Variants in PCDH15 observed in about 807,000 individuals in gnomAD.
PCDH15 encodes the protein protocadherin-15.
A neutral mutation model predicts 178.5 loss-of-function variants in PCDH15; 129 were observed. The ratio of observed to expected loss-of-function variants is 0.72; its 90% CI spans 0.63 to 0.84. The LOEUF is 0.84. Among genes scored for constraint, PCDH15 ranks in the 40% least tolerant of loss-of-function variants. PCDH15 has a pLI of 0.00. For synonymous variants in PCDH15, 800 were observed against 732.0 expected, an observed-to-expected ratio of 1.09 and a Z score of -1.50; for missense variants, 2,230 against 2,099.9, an observed-to-expected ratio of 1.06 and a Z score of -1.21.
intron 2 of PCDH15, among the ~76,000 whole-genome samples, chr10:54,908,246 G>C (rs551732860): frequency 6.6e-6 from 1 of 152,194 alleles, no homozygotes; most frequent in Non-Finnish European, 1.5e-5. Context: ...ATGGGGTTCA[G>C]TTATAGTGCA....
intron 2 of PCDH15, among the ~76,000 whole-genome samples, chr10:55,031,691 C>A (rs1485893201): frequency 1.3e-5 from 2 of 152,082 alleles, no homozygotes; most frequent in African/African-American, 4.8e-5. Flanking sequence ...TGTGACTGTG[C>A]CCTTATAAAA....
intron 28 of PCDH15, among the ~76,000 whole-genome samples, chr10:53,853,762 A>C (rs1289397236): frequency 6.6e-6 from 1 of 151,966 alleles, no homozygotes; most frequent in Non-Finnish European, 1.5e-5. Context: ...AAAAAGGAAA[A>C]AGAACCAGAA....
intron 2 of PCDH15, among the ~76,000 whole-genome samples, chr10:54,950,403 T>C (rs187105862): frequency 6.6e-6 from 1 of 152,082 alleles, no homozygotes; most frequent in East Asian, 1.9e-4. Context: ...CCTGAGCTGT[T>C]CTCATGATAG....
intron 3 of PCDH15, among the ~76,000 whole-genome samples, chr10:54,455,571 A>G (rs1340798523): frequency 6.6e-6 from 1 of 152,146 alleles, no homozygotes; most frequent in African/African-American, 2.4e-5. Context: ...GATTTAGGGT[A>G]TCTGGCAGAA....
intron 1 of PCDH15, among the ~76,000 whole-genome samples, chr10:54,710,680 G>A (rs1295869117): frequency 6.6e-6 from 1 of 151,866 alleles, no homozygotes; most frequent in Admixed American, 6.6e-5. Flanking sequence ...GCTGTTGCAA[G>A]AAATACTTCA....
At chr10:54,337,283 C>T (rs1209777711) in intron 6 of PCDH15, among the ~76,000 whole-genome samples, 1 of 152,006 alleles carries the variant, frequency 6.6e-6, no homozygotes, top group African/African-American at 2.4e-5. Flanking sequence ...CTTTGAGGGA[C>T]TGTTGGTAAG....
At chr10:55,066,647 TTTGAG>T (rs1841571451) in intron 2 of PCDH15, among the ~76,000 whole-genome samples, 1 of 150,268 alleles carries the variant, frequency 6.7e-6, no homozygotes, top group Admixed American at 6.6e-5. Context: ...AATTTGAGTA[TTTGAG>T]TTATGTTTCT....
Position 53,888,317 on chromosome 10 carries a change from T to TAC in PCDH15, c.3501+14925_3501+14926insGT, listed in dbSNP as rs59834221. 2.5e-3 allele frequency among the ~76,000 whole-genome samples: 269 copies of TAC among 106,388 alleles called. 7 individuals carry two copies. The highest frequency in any genetic ancestry group is 0.013 in the Middle Eastern group (2 of 150). The allele number at this position is 106,388 out of a possible 152,430, so 69.8% of individuals were successfully genotyped here. ...ATATATATATATATATATGTATATATGTACGTATATATATGTACGTATATA... is the reference window on the plus strand; with the variant it reads ...ATATATATATATATATATGTATATATACGTACGTATATATATGTACGTATATA... On this transcript the variant is annotated intron_variant, in intron 26 of 37. Transcript: ENST00000644397.
intron 2 of PCDH15, among the ~76,000 whole-genome samples, chr10:55,523,593 A>G (rs934442767): frequency 6.6e-6 from 1 of 151,566 alleles, no homozygotes; most frequent in African/African-American, 2.4e-5. Flanking sequence ...AACACCAATT[A>G]TTTCTGTCTA....
At chr10:54,707,515 G>A (rs560800328) in intron 1 of PCDH15, among the ~76,000 whole-genome samples, 1 of 152,098 alleles carries the variant, frequency 6.6e-6, no homozygotes, top group Admixed American at 6.6e-5. Flanking sequence ...AATAACAAAT[G>A]GAGACTAAAT....
chr10:54,967,985 T>A (rs1176150754), intron 2 of PCDH15, among the ~76,000 whole-genome samples: 1 of 152,120 alleles, frequency 6.6e-6, no homozygotes, highest in African/African-American at 2.4e-5. Context: ...TTTTACCTTG[T>A]CTCCAAATAC....
intron 14 of PCDH15, among the ~76,000 whole-genome samples, chr10:54,145,149 A>G (rs1240247544): frequency 6.6e-6 from 1 of 152,100 alleles, no homozygotes; most frequent in Non-Finnish European, 1.5e-5. Context: ...AGAGGGTTGG[A>G]AAATAGACTT....
At chr10:54,189,787 A>G (rs530323534) in intron 11 of PCDH15, among the ~76,000 whole-genome samples, 5 of 152,106 alleles carry the variant, frequency 3.3e-5, no homozygotes, top group Admixed American at 6.6e-5. Flanking sequence ...TGGTGGTCTC[A>G]GACATGCCTC....
chr10:53,858,303 C>A (rs1327878151), intron 27 of PCDH15, among the ~76,000 whole-genome samples: 1 of 152,092 alleles, frequency 6.6e-6, no homozygotes, highest in African/African-American at 2.4e-5. Flanking sequence ...GCTCCAGATT[C>A]TTTACATATA....
At chr10:54,430,720 A>C (rs1956865626) in intron 3 of PCDH15, among the ~76,000 whole-genome samples, 1 of 152,128 alleles carries the variant, frequency 6.6e-6, no homozygotes, top group South Asian at 2.1e-4. Flanking sequence ...AAGCAAGAGC[A>C]AACCAAACGC....
intron 2 of PCDH15, among the ~76,000 whole-genome samples, chr10:54,994,323 A>C (rs955230687): frequency 1.3e-5 from 2 of 152,182 alleles, no homozygotes; most frequent in Admixed American, 1.3e-4. Context: ...GCAGGTGTTT[A>C]AACCATGAAT....
chr10:54,942,876 T>C, intron 2 of PCDH15, among the ~76,000 whole-genome samples: 1 of 152,048 alleles, frequency 6.6e-6, no homozygotes, highest in East Asian at 1.9e-4. Flanking sequence ...TACTCTGTGC[T>C]AGGTCACAGA....
At chr10:54,714,585 G>A (rs1212330438) in intron 1 of PCDH15, among the ~76,000 whole-genome samples, 1 of 152,024 alleles carries the variant, frequency 6.6e-6, no homozygotes, top group Non-Finnish European at 1.5e-5. Flanking sequence ...TTTTTCTAAA[G>A]TACATAATAA....
At chr10:54,315,683 T>A (rs1339382984) in intron 8 of PCDH15, among the ~76,000 whole-genome samples, 1 of 148,740 alleles carries the variant, frequency 6.7e-6, no homozygotes, top group African/African-American at 2.5e-5. Context: ...AAGTCTTTAA[T>A]CCATCTTGAG....
Sources: gnomAD v4.1 joint callset for allele counts (sites outside exome capture counted in the v4.1 genomes callset) on GRCh38, gnomAD v4.1.1 for gene constraint, MANE v1.5 for transcripts, NCBI Gene and HGNC (gene_info 2026-07-23, HGNC 2026-07-21) for gene names.